CDKN2B-AS1: variants seen among roughly 807,000 people sequenced by gnomAD.
CDKN2B-AS1 encodes the protein CDKN2B antisense RNA 1 (non-protein coding).
In CDKN2B-AS1 at chr9:22,000,135, G is replaced by C. The variant is rs550224838; in HGVS notation, n.29+4974G>C. On this transcript the variant is annotated intron_variant and non_coding_transcript_variant, in intron 1 of 4. Transcript: ENST00000650946. This position sits in a 1 kb window ranked among gnomAD's most constrained non-coding sequence, Gnocchi z 4.1. ...CAAACCTAGAGATTCTAATTTTGTA[G>C]ACCTGGAGCTGATCAACAAGTCTAA... Among the ~76,000 whole-genome samples the C allele has an allele frequency of 4.6e-5, 7 of 152,254 alleles. No homozygotes were observed. Among genetic ancestry groups the C allele is most frequent in the Admixed American group, 2.0e-4 (3 of 15,296 alleles).
chr9:22,124,084 G>GT (rs72655404), intron 4 of CDKN2B-AS1, among the ~76,000 whole-genome samples: 44 of 152,162 alleles, frequency 2.9e-4, no homozygotes, highest in Non-Finnish European at 4.9e-4. Flanking sequence ...TCTTTTTGTA[G>GT]TTTTTTTATG....
intron 4 of CDKN2B-AS1, chr9:22,118,365 T>C (rs1379550534): frequency 6.6e-6 from 1 of 152,062 alleles, no homozygotes; most frequent in Non-Finnish European, 1.5e-5. Flanking sequence ...AGGGAGAAAG[T>C]ACCTGAAGAA....
At chr9:22,073,335 T>A (rs16923583) in intron 4 of CDKN2B-AS1, among the ~76,000 whole-genome samples, 8,352 of 152,218 alleles carry the variant, frequency 0.055, 618 homozygotes, top group African/African-American at 0.17. Context: ...TGAGCATGTG[T>A]CCAACCATAA....
chr9:22,087,338 A>G (rs999680634), intron 4 of CDKN2B-AS1, among the ~76,000 whole-genome samples: 4 of 152,200 alleles, frequency 2.6e-5, no homozygotes, highest in African/African-American at 7.2e-5. Flanking sequence ...TGAGGATACA[A>G]TTACATGCTA....
chr9:22,043,193 A>G (rs1256462336), intron 1 of CDKN2B-AS1, among the ~76,000 whole-genome samples: 2 of 152,010 alleles, frequency 1.3e-5, no homozygotes, highest in Non-Finnish European at 2.9e-5. Flanking sequence ...GATTTTTCCA[A>G]TGTTGTGAAG....
At chr9:22,014,522 A>G (rs1587400306) in intron 1 of CDKN2B-AS1, among the ~76,000 whole-genome samples, 1 of 152,254 alleles carries the variant, frequency 6.6e-6, no homozygotes, top group East Asian at 1.9e-4. Flanking sequence ...TTTCAGGTAT[A>G]TGTAAGAAAG....
chr9:22,018,059 C>G (rs770474622), intron 1 of CDKN2B-AS1, among the ~76,000 whole-genome samples: 11 of 152,220 alleles, frequency 7.2e-5, no homozygotes, highest in Non-Finnish European at 1.5e-4. Flanking sequence ...AAAAGTGGCT[C>G]ACGCCTGTAA....
chr9:22,029,516 G>C (rs1213385713), intron 1 of CDKN2B-AS1: 1 of 779,562 alleles, frequency 1.3e-6, no homozygotes, highest in Admixed American at 1.7e-5. Context: ...CCTCTCATCT[G>C]ATCTCCGTCC....
chr9:22,023,887 A>T (rs571268277), intron 1 of CDKN2B-AS1, among the ~76,000 whole-genome samples: 6 of 152,300 alleles, frequency 3.9e-5, no homozygotes, highest in East Asian at 1.9e-4. Context: ...ACATACTCCT[A>T]TAACTCTGCG....
At position 22,040,932 on chromosome 9, in the gene CDKN2B-AS1, T is replaced by C. The variant is rs537199222; in HGVS notation, n.30-5819T>C. 2.0e-5 allele frequency among the ~76,000 whole-genome samples: 3 copies of C among 152,158 alleles called. No individual in the cohort carries two copies. The East Asian group carries it at 5.8e-4, about 30-fold the overall frequency. On this transcript the variant is annotated intron_variant and non_coding_transcript_variant, in intron 1 of 4. Coordinates refer to ENST00000650946, the Ensembl canonical transcript of CDKN2B-AS1. Reference sequence around the variant, plus strand: ...CACACAGTAAGCTTTGGTGCCAGAATGTATCTCTAGGCTTTCTCATCTCAA... The same window carrying C: ...CACACAGTAAGCTTTGGTGCCAGAACGTATCTCTAGGCTTTCTCATCTCAA...
At chr9:22,101,822 C>G (rs1236100353) in intron 4 of CDKN2B-AS1, among the ~76,000 whole-genome samples, 1 of 152,096 alleles carries the variant, frequency 6.6e-6, no homozygotes. Flanking sequence ...ATATTTATCT[C>G]TGACTATACC....
intron 4 of CDKN2B-AS1, among the ~76,000 whole-genome samples, chr9:22,083,293 A>G: frequency 6.6e-6 from 1 of 152,184 alleles, no homozygotes; most frequent in South Asian, 2.1e-4. Flanking sequence ...AGATAAATGG[A>G]TCTGGAAGCA....
At chr9:22,071,284 G>GGTTTTTTTTTTTTT (rs1563962583) in intron 4 of CDKN2B-AS1, among the ~76,000 whole-genome samples, 2 of 77,480 alleles carry the variant, frequency 2.6e-5, no homozygotes, top group African/African-American at 1.2e-4. Flanking sequence ...GAAATATCTA[G>GGTTTTTTTTTTTTT]CTTTTTTTTT....
chr9:22,109,791 A>T (rs1825756244), intron 4 of CDKN2B-AS1, among the ~76,000 whole-genome samples: 1 of 152,100 alleles, frequency 6.6e-6, no homozygotes, highest in Non-Finnish European at 1.5e-5. Flanking sequence ...ATTGTGGGGA[A>T]CCTAAAGTGG....
intron 1 of CDKN2B-AS1, among the ~76,000 whole-genome samples, chr9:22,036,120 T>A (rs1822679042): frequency 1.3e-5 from 2 of 152,150 alleles, no homozygotes; most frequent in Non-Finnish European, 2.9e-5. Flanking sequence ...TGAGAACAGA[T>A]CTACCTTAGG....
intron 1 of CDKN2B-AS1, chr9:22,012,132 G>A (rs1821535013): frequency 1.9e-6 from 2 of 1,073,946 alleles, no homozygotes; most frequent in Non-Finnish European, 2.9e-6. Context: ...CTTCAGCGAG[G>A]CAGCCGAGCT....
chr9:22,015,522 T>A (rs1317337262), intron 1 of CDKN2B-AS1, among the ~76,000 whole-genome samples: 1 of 152,112 alleles, frequency 6.6e-6, no homozygotes, highest in Admixed American at 6.5e-5. Context: ...GAATTTTAAT[T>A]GGGATTGTGT....
chr9:22,020,900 T>A (rs1821987538), intron 1 of CDKN2B-AS1, among the ~76,000 whole-genome samples: 1 of 152,228 alleles, frequency 6.6e-6, no homozygotes, highest in Non-Finnish European at 1.5e-5. Context: ...ATTTGTCAAT[T>A]TTTTCTTTTG....
At chr9:22,008,565 T>A (rs1424997109) in intron 1 of CDKN2B-AS1, 1 of 1,157,982 alleles carries the variant, frequency 8.6e-7, no homozygotes. Flanking sequence ...TCTCTGATCA[T>A]GAGATGGCAG....
Sources: gnomAD v4.1 joint callset for allele counts (sites outside exome capture counted in the v4.1 genomes callset) on GRCh38, gnomAD v4.1.1 for gene constraint, Gnocchi (gnomAD v3.1) non-coding constraint, MANE v1.5 for transcripts, NCBI Gene and HGNC (gene_info 2026-07-23, HGNC 2026-07-21) for gene names.